The following GABRB1 variants were observed in gnomAD, a reference collection of about 807,000 sequenced individuals.
GABRB1 encodes gamma-aminobutyric acid type A receptor subunit beta1.
GABRB1 carries 17 observed loss-of-function variants against 51.6 expected under a neutral mutation model. That is an observed-to-expected ratio of 0.33 (90% CI 0.23 to 0.49). GABRB1 has a LOEUF of 0.49. GABRB1 is among the 20% of genes least tolerant of loss of function. The probability of loss-of-function intolerance (pLI) is 0.99; values close to 1 mark genes in which losing one functional copy is unlikely to be tolerated. For synonymous variants in GABRB1, 247 were observed against 218.9 expected, an observed-to-expected ratio of 1.13 and a Z score of -1.14; for missense variants, 410 against 600.6, an observed-to-expected ratio of 0.68 and a Z score of 3.32.
chr4:47,179,108 C>G (rs1718832229), intron 4 of GABRB1, among the ~76,000 whole-genome samples: 1 of 152,042 alleles, frequency 6.6e-6, no homozygotes, highest in Admixed American at 6.6e-5. Context: ...AATGTTATCT[C>G]TCCCCTAGCC....
At chr4:47,121,162 T>C (rs1715758620) in intron 3 of GABRB1, among the ~76,000 whole-genome samples, 1 of 152,208 alleles carries the variant, frequency 6.6e-6, no homozygotes, top group African/African-American at 2.4e-5. Flanking sequence ...ACTCAGGCTC[T>C]GACCACTCCT....
intron 4 of GABRB1, among the ~76,000 whole-genome samples, chr4:47,184,651 C>G (rs1719096017): frequency 6.6e-6 from 1 of 151,882 alleles, no homozygotes; most frequent in Non-Finnish European, 1.5e-5. Context: ...AGAAGCCAAT[C>G]CAGGATCAAG....
At chr4:47,349,852 C>G (rs1726243740) in intron 5 of GABRB1, among the ~76,000 whole-genome samples, 1 of 152,082 alleles carries the variant, frequency 6.6e-6, no homozygotes, top group Non-Finnish European at 1.5e-5. Flanking sequence ...ATTCTTAGAC[C>G]CTAGGCAGTC....
chr4:47,070,587 C>T (rs374477345), intron 3 of GABRB1, among the ~76,000 whole-genome samples: 1 of 152,176 alleles, frequency 6.6e-6, no homozygotes, highest in East Asian at 1.9e-4. Flanking sequence ...CTGCCTCGAC[C>T]TCCCAAAGTG....
At chr4:47,271,401 A>C (rs1393151728) in intron 4 of GABRB1, among the ~76,000 whole-genome samples, 1 of 152,196 alleles carries the variant, frequency 6.6e-6, no homozygotes, top group African/African-American at 2.4e-5. Flanking sequence ...CCAAAACAAC[A>C]GTTTAATGAA....
chr4:47,350,503 A>G (rs1259871944), intron 5 of GABRB1, among the ~76,000 whole-genome samples: 1 of 151,880 alleles, frequency 6.6e-6, no homozygotes, highest in Non-Finnish European at 1.5e-5. Context: ...TGCTTCATCT[A>G]TAAAATAGGG....
intron 4 of GABRB1, among the ~76,000 whole-genome samples, chr4:47,198,499 A>G (rs1238300643): frequency 6.6e-6 from 1 of 152,180 alleles, no homozygotes; most frequent in Non-Finnish European, 1.5e-5. Context: ...ATGGTAGTGA[A>G]AACCTGTATC....
chr4:47,108,746 T>A (rs1715090081), intron 3 of GABRB1, among the ~76,000 whole-genome samples: 1 of 152,068 alleles, frequency 6.6e-6, no homozygotes, highest in African/African-American at 2.4e-5. Flanking sequence ...AATAACTGCA[T>A]CCTAGGTGTT....
intron 3 of GABRB1, among the ~76,000 whole-genome samples, chr4:47,089,410 T>C (rs1323618469): frequency 2.6e-5 from 4 of 152,212 alleles, no homozygotes; most frequent in African/African-American, 9.6e-5. Context: ...TAAAGTGGTC[T>C]ATGTGTCAAC....
intron 3 of GABRB1, among the ~76,000 whole-genome samples, chr4:47,059,591 T>C (rs1726762420): frequency 1.3e-5 from 2 of 152,308 alleles, no homozygotes; most frequent in Middle Eastern, 3.4e-3. Context: ...TATGTAGTTG[T>C]AAAGATATTT....
rs1717659166 is a variant in GABRB1, at chr4:47,155,685, TG to T, written c.241-5563del. 2.6e-5 allele frequency among the ~76,000 whole-genome samples: 4 copies of T among 151,956 alleles called. No individual in the cohort carries two copies. The South Asian group carries it at 8.3e-4, about 32-fold the overall frequency. ...CATATTTGAACATATTTGCCTACAG[TG>T]CATAGCTGTTTTTCCTATTCCAAAT... On this transcript the variant is annotated intron_variant, in intron 3 of 8. Transcript: ENST00000295454.
chr4:47,030,599 A>G (rs1177350552), upstream of GABRB1, among the ~76,000 whole-genome samples: 1 of 152,194 alleles, frequency 6.6e-6, no homozygotes, highest in Non-Finnish European at 1.5e-5. Flanking sequence ...CTATTTAACA[A>G]AAGAACAAAC....
intron 5 of GABRB1, among the ~76,000 whole-genome samples, chr4:47,347,935 A>G (rs1056406973): frequency 3.3e-5 from 5 of 152,244 alleles, no homozygotes; most frequent in African/African-American, 1.2e-4. Context: ...AAGAAATCAT[A>G]TCAGTTATAA....
chr4:47,010,824 T>C (rs1173088150), intron 1 of GABRB1, among the ~76,000 whole-genome samples: 3 of 152,204 alleles, frequency 2.0e-5, no homozygotes, highest in Admixed American at 6.5e-5. Context: ...GCCTATTTCA[T>C]AGGATTTTTA....
Position 47,392,621 on chromosome 4 carries a change from C to G in GABRB1, c.545-10697C>G, listed in dbSNP as rs1293627004. On this transcript the variant is annotated intron_variant, in intron 5 of 8. Coordinates refer to ENST00000295454, the MANE Select transcript of GABRB1 (RefSeq NM_000812.4). ...CCTCCCAAAGTGTTGGGATTACAGG[C>G]GTGAGCCACCGTGCCCAGCCTCTCC... Among the ~76,000 whole-genome samples the G allele has an allele frequency of 2.0e-5, 3 of 152,104 alleles. No homozygotes were observed. In the East Asian group the frequency reaches 5.8e-4, roughly 29 times the overall value.
At chr4:47,127,394 T>C (rs1716201567) in intron 3 of GABRB1, among the ~76,000 whole-genome samples, 1 of 151,866 alleles carries the variant, frequency 6.6e-6, no homozygotes, top group African/African-American at 2.4e-5. Flanking sequence ...TATTTGGATA[T>C]AAAAATATTC....
chr4:47,339,009 A>G (rs1725793590), intron 5 of GABRB1, among the ~76,000 whole-genome samples: 1 of 152,216 alleles, frequency 6.6e-6, no homozygotes, highest in African/African-American at 2.4e-5. Context: ...TTAATAATTC[A>G]GATACCCATA....
chr4:47,337,987 A>C (rs1339908248), intron 5 of GABRB1, among the ~76,000 whole-genome samples: 1 of 152,100 alleles, frequency 6.6e-6, no homozygotes, highest in Non-Finnish European at 1.5e-5. Flanking sequence ...AGCGGCTTCA[A>C]CTTCTTTCTG....
chr4:47,343,469 T>C (rs1280205235), intron 5 of GABRB1, among the ~76,000 whole-genome samples: 2 of 152,210 alleles, frequency 1.3e-5, no homozygotes, highest in African/African-American at 2.4e-5. Context: ...ACTGGTTTGA[T>C]AGGGTTTCAA....
Sources: gnomAD v4.1 joint callset for allele counts (sites outside exome capture counted in the v4.1 genomes callset) on GRCh38, gnomAD v4.1.1 for gene constraint, MANE v1.5 for transcripts, NCBI Gene and HGNC (gene_info 2026-07-23, HGNC 2026-07-21) for gene names.